Variants in SHC4 observed in about 807,000 individuals in gnomAD.
The protein encoded by SHC4 is SHC adaptor protein 4.
Under a neutral mutation model 69.4 loss-of-function variants are expected in SHC4, and 41 were observed. The observed-to-expected ratio is 0.59, with a 90% CI of 0.46 to 0.77. The LOEUF (loss-of-function observed/expected upper bound fraction) is 0.77, where lower values mean the gene tolerates loss of function less well. Among genes scored for constraint, SHC4 ranks in the 30% least tolerant of loss-of-function variants. SHC4 has a pLI of 0.00. For missense variants in SHC4, 777 were observed against 783.8 expected (o/e 0.99, Z 0.10); for synonymous variants, 318 against 299.3 (o/e 1.06, Z -0.64).
At chr15:48,878,523 A>T in intron 4 of SHC4, 1 of 1,614,086 alleles carries the variant, frequency 6.2e-7, no homozygotes, top group Non-Finnish European at 8.5e-7. Context: ...GAAGAGGAGC[A>T]GCTCAGTGGT....
At chr15:48,957,197 C>T (rs1901471264) in intron 1 of SHC4, among the ~76,000 whole-genome samples, 2 of 151,940 alleles carry the variant, frequency 1.3e-5, no homozygotes, top group African/African-American at 4.8e-5. Flanking sequence ...TGGCTGGTCT[C>T]GAACTCCTGA....
intron 1 of SHC4, among the ~76,000 whole-genome samples, chr15:48,946,283 A>G (rs1348278966): frequency 6.6e-6 from 1 of 152,224 alleles, no homozygotes; most frequent in African/African-American, 2.4e-5. Context: ...TTAACTCACT[A>G]GCAGGTGAGC....
intron 4 of SHC4, among the ~76,000 whole-genome samples, chr15:48,882,865 T>C (rs1899969497): frequency 6.6e-6 from 1 of 152,242 alleles, no homozygotes; most frequent in Non-Finnish European, 1.5e-5. Context: ...ACTGAATGAA[T>C]GTTTCACCAC....
At chr15:48,884,110 TA>T in intron 4 of SHC4, 137 bp downstream of exon 4, 1 of 947,954 alleles carries the variant, frequency 1.1e-6, no homozygotes, top group Non-Finnish European at 1.4e-6. Context: ...TTGTTATGCA[TA>T]AATCTTCAGC....
chr15:48,933,194 C>T (rs11638748), intron 1 of SHC4, among the ~76,000 whole-genome samples: 88,786 of 151,956 alleles, frequency 0.58, 26,783 homozygotes, highest in East Asian at 0.89. Context: ...TCGTTACCAT[C>T]TGGGAAACCA....
intron 2 of SHC4, 127 bp downstream of exon 2, chr15:48,924,752 T>C (rs1262619218): frequency 1.1e-6 from 1 of 943,922 alleles, no homozygotes; most frequent in East Asian, 2.6e-5. Context: ...GGGCGAGCCT[T>C]CTACACTCCA....
Position 48,825,595 on chromosome 15 carries a change from A to G in SHC4, c.*376T>C, listed in dbSNP as rs1307272483. 1 of 165,734 alleles carries G rather than the reference A, an allele frequency of 6.0e-6. No homozygotes were observed. The highest frequency in any genetic ancestry group is 1.3e-5 in the Non-Finnish European group (1 of 76,756). The allele number at this position is 165,734 out of a possible 1,614,324, so 10.3% of individuals were successfully genotyped here. ...CTTAGAATTAATCTCCCAATATGAAAATGTCCCCCAAATTATCAAGTTGAA... is the reference window on the plus strand; with the variant it reads ...CTTAGAATTAATCTCCCAATATGAAGATGTCCCCCAAATTATCAAGTTGAA... On this transcript the variant is annotated 3_prime_UTR_variant, in exon 12 of 12. Transcript: ENST00000332408.
In SHC4 at chr15:48,962,818, G is replaced by C. The variant is rs375750839; in HGVS notation, c.198C>G (p.His66Gln). The C allele has an allele frequency of 1.4e-4, 219 of 1,612,594 alleles. No homozygotes were observed. The highest frequency in any genetic ancestry group is 1.8e-4 in the Non-Finnish European group (211 of 1,179,936). The change falls in exon 1 of 12, where the codon CAC becomes CAG. Residue 66 changes from histidine to glutamine, a missense_variant. Physicochemically the swap from His to Gln is conservative, Grantham distance 24 (BLOSUM62 0). Transcript: ENST00000332408. The part of the protein sequence containing the change: ...PQPPHPALAP[H>Q]LPTEDATLPS... ...GCAAGGTGGCATCTTCAGTCGGCAGGTGAGGTGCCAGGGCGGGGTGGGGAG... is the reference window on the plus strand; with the variant it reads ...GCAAGGTGGCATCTTCAGTCGGCAGCTGAGGTGCCAGGGCGGGGTGGGGAG...
Position 48,825,679 on chromosome 15 carries a change from G to A in SHC4, c.*292C>T, listed in dbSNP as rs1898675114. 3.8e-6 allele frequency: 1 copy of A among 266,326 alleles called. No individual in the cohort carries two copies. Among genetic ancestry groups the A allele is most frequent in the Admixed American group, 4.9e-5 (1 of 20,382 alleles). 16.5% of individuals were successfully genotyped at this position (266,326 alleles called of 1,614,324 possible). A position where few individuals can be genotyped will look rare whatever the true frequency, so the allele number is the denominator to read the frequency against. ...GTTGTCGTTAGCATGTGAAATTTTAGTTGTGCTTTTAGCTTGTTATCAATG... is the reference window on the plus strand; with the variant it reads ...GTTGTCGTTAGCATGTGAAATTTTAATTGTGCTTTTAGCTTGTTATCAATG... On this transcript the variant is annotated 3_prime_UTR_variant, in exon 12 of 12. Transcript: ENST00000332408.
At chr15:48,905,286 G>A (rs1365804239) in intron 2 of SHC4, among the ~76,000 whole-genome samples, 1 of 152,142 alleles carries the variant, frequency 6.6e-6, no homozygotes, top group African/African-American at 2.4e-5. Context: ...CTGGGCTTCT[G>A]AGGAAAACCT....
chr15:48,958,482 G>A (rs1192399719), intron 1 of SHC4, among the ~76,000 whole-genome samples: 1 of 152,178 alleles, frequency 6.6e-6, no homozygotes, highest in Non-Finnish European at 1.5e-5. Context: ...GTTGTGGTGA[G>A]GGCCACTGCA....
intron 1 of SHC4, among the ~76,000 whole-genome samples, chr15:48,933,403 A>G (rs1567073470): frequency 6.6e-6 from 1 of 152,238 alleles, no homozygotes; most frequent in Non-Finnish European, 1.5e-5. Context: ...ACTGAAAAAC[A>G]TTGTTGAAGG....
chr15:48,926,809 G>A (rs1477052958), intron 1 of SHC4, among the ~76,000 whole-genome samples: 2 of 152,130 alleles, frequency 1.3e-5, no homozygotes, highest in Non-Finnish European at 2.9e-5. Flanking sequence ...ACTCCTTGAT[G>A]CACCGAGTGC....
At chr15:48,875,389 T>C (rs934648872) in intron 4 of SHC4, among the ~76,000 whole-genome samples, 2 of 152,246 alleles carry the variant, frequency 1.3e-5, no homozygotes, top group African/African-American at 4.8e-5. Flanking sequence ...ACCACATTGC[T>C]AAAGCTAAGA....
Position 48,892,128 on chromosome 15 carries a change from T to A in SHC4, c.657-1317A>T, listed in dbSNP as rs201319086. ...CCTCGGCCTCCTAAAGTGTTGGGACTACAGGCGTGAGCCACCGCGCCCGGC... is the reference window on the plus strand; with the variant it reads ...CCTCGGCCTCCTAAAGTGTTGGGACAACAGGCGTGAGCCACCGCGCCCGGC... On this transcript the variant is annotated intron_variant, in intron 2 of 11. Coordinates refer to ENST00000332408, the MANE Select transcript of SHC4 (RefSeq NM_203349.4). Among the ~76,000 whole-genome samples, 8 of 152,166 alleles carry A rather than the reference T, an allele frequency of 5.3e-5. No individual in the cohort carries two copies. The East Asian group carries it at 1.6e-3, about 30-fold the overall frequency.
chr15:48,845,363 T>A (rs1899067397), intron 9 of SHC4, among the ~76,000 whole-genome samples: 1 of 152,218 alleles, frequency 6.6e-6, no homozygotes, highest in Non-Finnish European at 1.5e-5. Flanking sequence ...TTGTCATGTG[T>A]CATACTCTGT....
At chr15:48,943,809 C>G (rs750541968) in intron 1 of SHC4, among the ~76,000 whole-genome samples, 2 of 151,986 alleles carry the variant, frequency 1.3e-5, no homozygotes, top group South Asian at 2.1e-4. Flanking sequence ...GAGATGATAT[C>G]CCATATAGTT....
chr15:48,849,425 C>G (rs189754887), intron 9 of SHC4, among the ~76,000 whole-genome samples: 25 of 152,284 alleles, frequency 1.6e-4, no homozygotes, highest in African/African-American at 6.0e-4. Flanking sequence ...TTGAAACACT[C>G]TTCATATTTG....
chr15:48,871,255 TGATG>T (rs1899671696), intron 5 of SHC4, among the ~76,000 whole-genome samples: 2 of 152,250 alleles, frequency 1.3e-5, no homozygotes, highest in African/African-American at 4.8e-5. Flanking sequence ...TTGACATGGC[TGATG>T]TTTAACCATT....
Sources: gnomAD v4.1 joint callset for allele counts (sites outside exome capture counted in the v4.1 genomes callset) on GRCh38, gnomAD v4.1.1 for gene constraint, MANE v1.5 for transcripts, NCBI Gene and HGNC (gene_info 2026-07-23, HGNC 2026-07-21) for gene names.